DMD: variants seen among roughly 807,000 people sequenced by gnomAD.
The protein encoded by DMD is mutant dystrophin.
In DMD, 63 loss-of-function variants were observed where a neutral mutation model predicts 330.1. That is an observed-to-expected ratio of 0.19 (90% CI 0.16 to 0.24). The LOEUF (loss-of-function observed/expected upper bound fraction) is 0.24. Among genes scored for constraint, DMD ranks in the 10% least tolerant of loss-of-function variants. The pLI is 1.00. For missense variants in DMD, 3,344 were observed against 2,684.1 expected (o/e 1.25, Z -5.43); for synonymous variants, 1,223 against 959.8 (o/e 1.27, Z -5.07).
intron 43 of DMD, among the ~76,000 whole-genome samples, chrX:32,256,439 AC>A (rs2097299388): frequency 9.1e-6 from 1 of 110,164 alleles, no homozygotes; most frequent in Non-Finnish European, 1.9e-5. Context: ...TGAATACACC[AC>A]ACTGATGGTC....
intron 44 of DMD, among the ~76,000 whole-genome samples, chrX:32,031,844 G>C (rs6631464): frequency 0.29 from 31,660 of 110,687 alleles, 3,330 homozygotes; most frequent in African/African-American, 0.3. Flanking sequence ...TGTTTGTCTT[G>C]CTAATTTTTC....
At chrX:32,212,388 T>C (rs1298516541) in intron 44 of DMD, among the ~76,000 whole-genome samples, 1 of 112,010 alleles carries the variant, frequency 8.9e-6, no homozygotes, top group Admixed American at 9.5e-5. Flanking sequence ...GAGTGATTAG[T>C]TATAATAGGG....
At chrX:32,893,114 A>T (rs1444183818) in intron 2 of DMD, among the ~76,000 whole-genome samples, 6 of 112,274 alleles carry the variant, frequency 5.3e-5, no homozygotes, top group African/African-American at 1.9e-4. Flanking sequence ...TGGTCTCAAT[A>T]GTTCAATTAT....
At chrX:31,810,733 T>C (rs1420034025) in intron 50 of DMD, among the ~76,000 whole-genome samples, 1 of 112,315 alleles carries the variant, frequency 8.9e-6, no homozygotes, top group Non-Finnish European at 1.9e-5. Flanking sequence ...TTATATTCAA[T>C]TTTAAAACTA....
At chrX:32,243,828 C>T (rs1290053428) in intron 43 of DMD, among the ~76,000 whole-genome samples, 5 of 111,316 alleles carry the variant, frequency 4.5e-5, no homozygotes, top group Non-Finnish European at 9.4e-5. Context: ...AGGTTCTTAT[C>T]AGTACCTATC....
chrX:33,009,949 T>C (rs1413114635), intron 2 of DMD, among the ~76,000 whole-genome samples: 1 of 84,808 alleles, frequency 1.2e-5, no homozygotes, highest in Non-Finnish European at 2.2e-5. Flanking sequence ...TATACACGTG[T>C]GTATGTGTAT....
intron 2 of DMD, among the ~76,000 whole-genome samples, chrX:33,001,913 T>C (rs1212571426): frequency 9.0e-6 from 1 of 111,595 alleles, no homozygotes; most frequent in Non-Finnish European, 1.9e-5. Flanking sequence ...TCTACTTTTA[T>C]ATCTTTTAAA....
chrX:32,267,976 A>G (rs1203635922), intron 43 of DMD, among the ~76,000 whole-genome samples: 3 of 112,355 alleles, frequency 2.7e-5, no homozygotes, highest in African/African-American at 9.7e-5. Context: ...CATTAGCAAA[A>G]GATTAAACAA....
rs762612057 is a variant in DMD, at chrX:33,009,968, ATG to A, written c.93+10169_93+10170del. Among the ~76,000 whole-genome samples the A allele has an allele frequency of 2.5e-4, 14 of 55,623 alleles. 3 individuals carry two copies. Among genetic ancestry groups the A allele is most frequent in the Non-Finnish European group, 4.5e-4 (14 of 31,249 alleles). 48.3% of individuals were successfully genotyped at this position (55,623 alleles called of 115,157 possible). A position where few individuals can be genotyped will look rare whatever the true frequency, so the allele number is the denominator to read the frequency against. Reference sequence around the variant, plus strand: ...CACGTGTGTATGTGTATATACACATATGTGTGTATACACATGTGTGTATATAC... The same window carrying A: ...CACGTGTGTATGTGTATATACACATATGTGTATACACATGTGTGTATATAC... On this transcript the variant is annotated intron_variant, in intron 2 of 78. Coordinates refer to ENST00000357033, the MANE Select transcript of DMD (RefSeq NM_004006.3).
chrX:31,930,117 C>T (rs561808636), intron 46 of DMD, among the ~76,000 whole-genome samples: 10 of 110,899 alleles, frequency 9.0e-5, no homozygotes, highest in Middle Eastern at 9.3e-3. Context: ...CATAGCATAC[C>T]GTAGCTTGCT....
At chrX:32,630,089 C>T (rs998686449) in intron 11 of DMD, among the ~76,000 whole-genome samples, 9 of 111,787 alleles carry the variant, frequency 8.1e-5, no homozygotes, top group Non-Finnish European at 1.1e-4. Flanking sequence ...GATTGAAGAA[C>T]GCCCTTTACC....
At chrX:32,085,462 A>G (rs965616291) in intron 44 of DMD, among the ~76,000 whole-genome samples, 1 of 107,883 alleles carries the variant, frequency 9.3e-6, no homozygotes, top group Non-Finnish European at 1.9e-5. Context: ...TCAGTCTCCA[A>G]TGCTTATCAC....
chrX:32,981,937 C>G (rs1483595715), intron 2 of DMD, among the ~76,000 whole-genome samples: 1 of 111,213 alleles, frequency 9.0e-6, no homozygotes, highest in Non-Finnish European at 1.9e-5. Flanking sequence ...CTAATGAACC[C>G]AGGGTTGATT....
chrX:32,788,640 A>G (rs954819911), intron 7 of DMD, among the ~76,000 whole-genome samples: 7 of 112,170 alleles, frequency 6.2e-5, no homozygotes, highest in Non-Finnish European at 1.3e-4. Flanking sequence ...TAAAAGTTGC[A>G]TATCTGGCTA....
Position 31,183,024 on chromosome X carries a change from A to G in DMD, c.9808-120T>C, listed in dbSNP as rs1269466827. On this transcript the variant is annotated intron_variant, in intron 67 of 78. Coordinates refer to ENST00000357033, the MANE Select transcript of DMD (RefSeq NM_004006.3). ...TTAAACAGAAAAGATAGAAAGAACA[A>G]TGGTTGCAAAGCTAGGCTGGCTTTT... is the stretch of plus-strand genomic sequence containing the variant. 1.6e-5 allele frequency: 10 copies of G among 635,013 alleles called. No individual in the cohort carries two copies. In the East Asian group the frequency reaches 2.9e-4, roughly 18 times the overall value. 52.3% of individuals were successfully genotyped at this position (635,013 alleles called of 1,213,427 possible).
At chrX:33,059,883 T>C (rs1284109947) in intron 1 of DMD, among the ~76,000 whole-genome samples, 1 of 112,080 alleles carries the variant, frequency 8.9e-6, no homozygotes, top group Non-Finnish European at 1.9e-5. Context: ...TTAATCAATG[T>C]ATTAAATTTT....
chrX:32,617,474 C>T (rs770930737), intron 11 of DMD, among the ~76,000 whole-genome samples: 1 of 111,401 alleles, frequency 9.0e-6, no homozygotes, highest in African/African-American at 3.3e-5. Context: ...AGGACACCCT[C>T]TTCAGCAAAT....
At chrX:32,053,798 T>C (rs1322598341) in intron 44 of DMD, among the ~76,000 whole-genome samples, 2 of 111,629 alleles carry the variant, frequency 1.8e-5, no homozygotes, top group Non-Finnish European at 3.8e-5. Flanking sequence ...ATATGCTTTG[T>C]TCATAAATCA....
At chrX:32,683,802 A>G (rs191908655) in intron 9 of DMD, among the ~76,000 whole-genome samples, 64 of 109,367 alleles carry the variant, frequency 5.9e-4, no homozygotes, top group African/African-American at 2.0e-3. Context: ...AAAAAAAGAA[A>G]GAAAGAAGGA....
Sources: allele counts gnomAD v4.1 joint callset (sites outside exome capture counted in the v4.1 genomes callset), GRCh38; gene constraint gnomAD v4.1.1; transcripts MANE v1.5; gene names NCBI Gene and HGNC (gene_info 2026-07-23, HGNC 2026-07-21).